Variants in CCDC171 observed in about 807,000 individuals in gnomAD.
CCDC171 encodes the protein coiled-coil domain containing 171.
CCDC171 carries 177 observed loss-of-function variants against 168.2 expected under a neutral mutation model. The observed-to-expected ratio is 1.05, with a 90% confidence interval of 0.93 to 1.19. CCDC171 has a LOEUF of 1.19. CCDC171 is among the 50% of genes most tolerant of loss of function. CCDC171 has a pLI of 0.00. For missense variants in CCDC171, 1,991 were observed against 1,539.0 expected (o/e 1.29, Z -4.91); for synonymous variants, 687 against 540.8 (o/e 1.27, Z -3.75).
chr9:15,604,748 T>G (rs10481557), intron 6 of CCDC171, among the ~76,000 whole-genome samples: 55,135 of 151,984 alleles, frequency 0.36, 12,463 homozygotes, highest in East Asian at 0.66. Context: ...TATCAAAAGC[T>G]GACCCAGTAA....
intron 11 of CCDC171, among the ~76,000 whole-genome samples, chr9:15,696,103 T>A (rs552873502): frequency 1.3e-5 from 2 of 152,176 alleles, no homozygotes; most frequent in African/African-American, 2.4e-5. Context: ...CTAACACAAT[T>A]CTATTCTTCA....
At position 15,865,315 on chromosome 9, in the gene CCDC171, G is replaced by T. The variant is rs575430754; in HGVS notation, c.3469-9217G>T. ...TTCCAGAAACTGTAGTAGCCTCTGG[G>T]GAAACAAATATACATACATACATAC... On this transcript the variant is annotated intron_variant, in intron 23 of 25. Transcript: ENST00000380701. 1.1e-3 allele frequency among the ~76,000 whole-genome samples: 166 copies of T among 151,574 alleles called. 1 individual carries two copies. Among genetic ancestry groups the T allele is most frequent in the African/African-American group, 3.8e-3 (155 of 41,298 alleles).
chr9:15,640,803 A>G (rs1285767662), intron 7 of CCDC171, among the ~76,000 whole-genome samples: 1 of 152,134 alleles, frequency 6.6e-6, no homozygotes, highest in Non-Finnish European at 1.5e-5. Flanking sequence ...TGCCTGTTTT[A>G]CAAATACTTA....
chr9:16,005,526 G>C (rs1057121084), intron 3 of CCDC171, among the ~76,000 whole-genome samples: 2 of 152,100 alleles, frequency 1.3e-5, no homozygotes, highest in Admixed American at 1.3e-4. Context: ...GTATCTGCAG[G>C]TTCTACGTCT....
intron 21 of CCDC171, among the ~76,000 whole-genome samples, chr9:15,834,912 C>A (rs1211812485): frequency 6.6e-6 from 1 of 152,184 alleles, no homozygotes; most frequent in African/African-American, 2.4e-5. Context: ...AAACCAAAAT[C>A]ATCAAAATCA....
chr9:15,995,563 C>T (rs1421790637), intron 3 of CCDC171, among the ~76,000 whole-genome samples: 1 of 152,218 alleles, frequency 6.6e-6, no homozygotes, highest in Non-Finnish European at 1.5e-5. Flanking sequence ...TAGGAGCTGT[C>T]ATCAGCTGTC....
Position 15,644,672 on chromosome 9 carries a change from C to G in CCDC171, c.823-12455C>G, listed in dbSNP as rs142084385. 6.8e-3 allele frequency among the ~76,000 whole-genome samples: 1,040 copies of G among 152,330 alleles called. 7 individuals are homozygous for G. The highest frequency in any genetic ancestry group is 0.024 in the African/African-American group (1,006 of 41,562). ...AGCACAGCAGTCTGAGATCCAACTG[C>G]AAGGCAGCAGCGAGGCTGGGGGAGG... On this transcript the variant is annotated intron_variant, in intron 7 of 25. Transcript: ENST00000380701.
chr9:15,855,826 C>T (rs1484475125), intron 23 of CCDC171, among the ~76,000 whole-genome samples: 1 of 151,758 alleles, frequency 6.6e-6, no homozygotes, highest in Non-Finnish European at 1.5e-5. Flanking sequence ...TCTTAAATAG[C>T]TTCATCCTTT....
At position 15,993,276 on chromosome 9, in the gene CCDC171, T is replaced by C. The variant is rs190576519; in HGVS notation, n.369-27313T>C. Among the ~76,000 whole-genome samples the C allele has an allele frequency of 7.8e-4, 119 of 152,156 alleles. 1 individual carries two copies. Among genetic ancestry groups the C allele is most frequent in the Middle Eastern group, 3.4e-3 (1 of 294 alleles). ...AGACCAATGGAACAGAACAGAGCCC[T>C]CAGAAATAATACCACACATCTACAA... On this transcript the variant is annotated intron_variant and non_coding_transcript_variant, in intron 3 of 9. Coordinates refer to the CCDC171 transcript ENST00000486641.
intron 24 of CCDC171, among the ~76,000 whole-genome samples, chr9:15,909,237 C>T (rs539333948): frequency 1.4e-4 from 22 of 152,310 alleles, no homozygotes; most frequent in Non-Finnish European, 2.5e-4. Context: ...TCAAGCCTAA[C>T]TGTAGTTGGT....
At chr9:16,008,586 A>C (rs1832773250) in intron 3 of CCDC171, among the ~76,000 whole-genome samples, 1 of 152,144 alleles carries the variant, frequency 6.6e-6, no homozygotes, top group Non-Finnish European at 1.5e-5. Flanking sequence ...TGCTTGTCCT[A>C]AATGCAGCCC....
intron 11 of CCDC171, among the ~76,000 whole-genome samples, chr9:15,702,033 A>T (rs191225211): frequency 5.3e-5 from 8 of 152,352 alleles, no homozygotes; most frequent in Admixed American, 2.6e-4. Flanking sequence ...TGGGCTACAG[A>T]ATGGATGTTG....
intron 3 of CCDC171, among the ~76,000 whole-genome samples, chr9:16,006,574 C>G (rs111444931): frequency 0.11 from 15,282 of 142,720 alleles, 1,003 homozygotes; most frequent in South Asian, 0.28. Flanking sequence ...AATGCTATCC[C>G]TCCCCCCTCC....
chr9:15,936,632 C>T (rs1827150869), intron 25 of CCDC171, among the ~76,000 whole-genome samples: 3 of 152,102 alleles, frequency 2.0e-5, no homozygotes, highest in South Asian at 4.1e-4. Flanking sequence ...TTTTATTATA[C>T]TGCCTCCCCA....
In CCDC171 at chr9:15,890,884, C is replaced by T. The variant is rs184363122; in HGVS notation, c.3600+16221C>T. On this transcript the variant is annotated intron_variant, in intron 24 of 25. Transcript: ENST00000380701. The stretch of plus-strand genomic sequence containing the variant: ...AAGTAGATGATAACCCTGGCTGAAG[C>T]ATGCAAATTCCCAAACCAATTTGCT... Among the ~76,000 whole-genome samples, 213 of 152,188 alleles carry T rather than the reference C, an allele frequency of 1.4e-3. 1 individual carries two copies. The highest frequency in any genetic ancestry group is 4.7e-3 in the African/African-American group (197 of 41,544).
Position 15,721,810 on chromosome 9 carries a change from G to T in CCDC171, c.1360G>T (p.Val454Phe), listed in dbSNP as rs75342811. Reference sequence around the variant, plus strand: ...AGATAAACCTCCCAGCTTCTCTGTTGTCCTTGAGAGATTGAGGCGTACCTT... The same window carrying T: ...AGATAAACCTCCCAGCTTCTCTGTTTTCCTTGAGAGATTGAGGCGTACCTT... ...DKDKPPSFSV[V>F]LERLRRTLTD... The change falls in exon 12 of 26, where the codon GTC becomes TTC. Residue 454 changes from valine (V) to phenylalanine (F), a missense_variant. By Grantham distance (50) the Val-to-Phe change is conservative. Transcript: ENST00000380701. The T allele has an allele frequency of 8.3e-6, 13 of 1,568,272 alleles. No homozygotes were observed. In the East Asian group the frequency reaches 2.7e-4, roughly 32 times the overall value.
the CCDC171 span, among the ~76,000 whole-genome samples, chr9:16,092,231 C>G: frequency 6.6e-6 from 1 of 152,240 alleles, no homozygotes; most frequent in African/African-American, 2.4e-5. Flanking sequence ...CATGGAGAGA[C>G]ATTCCTCAGA....
chr9:15,718,657 C>T (rs2053249702), intron 11 of CCDC171, among the ~76,000 whole-genome samples: 1 of 152,198 alleles, frequency 6.6e-6, no homozygotes, highest in Admixed American at 6.5e-5. Context: ...TAAGAGAAGG[C>T]AACAAGAGTC....
intron 18 of CCDC171, among the ~76,000 whole-genome samples, chr9:15,777,177 G>A (rs74987729): frequency 0.018 from 2,678 of 152,266 alleles, 98 homozygotes; most frequent in African/African-American, 0.061. Flanking sequence ...GGGGAAATAA[G>A]TAATTGTAGT....
Sources: gnomAD v4.1 joint callset for allele counts (sites outside exome capture counted in the v4.1 genomes callset) on GRCh38, gnomAD v4.1.1 for gene constraint, MANE v1.5 for transcripts, NCBI Gene and HGNC (gene_info 2026-07-23, HGNC 2026-07-21) for gene names.